The following CAMK4 variants were observed in gnomAD, a reference collection of about 807,000 sequenced individuals.
CAMK4 encodes calcium/calmodulin-dependent protein kinase type IV.
CAMK4 carries 22 observed loss-of-function variants against 44.9 expected under a neutral mutation model. The observed-to-expected ratio is 0.49, with a 90% CI of 0.35 to 0.70. CAMK4 has a LOEUF of 0.70. CAMK4 is among the 30% of genes least tolerant of loss of function. The probability of loss-of-function intolerance (pLI) is 0.01; values close to 1 mark genes in which losing one functional copy is unlikely to be tolerated. For missense variants in CAMK4, 498 were observed against 586.8 expected (o/e 0.85, Z 1.56); for synonymous variants, 218 against 215.4 (o/e 1.01, Z -0.11).
intron 5 of CAMK4, among the ~76,000 whole-genome samples, chr5:111,440,707 G>A (rs1753793314): frequency 6.6e-6 from 1 of 151,102 alleles, no homozygotes; most frequent in Non-Finnish European, 1.5e-5. Flanking sequence ...TCCAAACTCA[G>A]CTATTTACTG....
intron 7 of CAMK4, among the ~76,000 whole-genome samples, chr5:111,461,303 G>A (rs1056294804): frequency 3.3e-5 from 5 of 152,162 alleles, no homozygotes; most frequent in African/African-American, 1.2e-4. Context: ...AGCTGACAAG[G>A]CAGCTTCTAG....
chr5:111,352,610 T>A (rs527392693), intron 2 of CAMK4, among the ~76,000 whole-genome samples: 3 of 143,696 alleles, frequency 2.1e-5, no homozygotes, highest in East Asian at 4.4e-4. Context: ...GAGGGGCTTC[T>A]TCCTGTGTCA....
chr5:111,225,660 C>A (rs900567817), intron 1 of CAMK4, among the ~76,000 whole-genome samples: 1 of 152,042 alleles, frequency 6.6e-6, no homozygotes, highest in Admixed American at 6.5e-5. Context: ...TGCTAACAGC[C>A]TTTTTATTTT....
intron 5 of CAMK4, among the ~76,000 whole-genome samples, chr5:111,430,804 G>GA (rs942234678): frequency 6.6e-6 from 1 of 151,986 alleles, no homozygotes; most frequent in African/African-American, 2.4e-5. Flanking sequence ...AATTGAAGAA[G>GA]ACACCAAGAA....
chr5:111,433,927 A>G (rs75664336), intron 5 of CAMK4, among the ~76,000 whole-genome samples: 2,798 of 152,314 alleles, frequency 0.018, 44 homozygotes, highest in Non-Finnish European at 0.028. Context: ...TTTTAAATCA[A>G]TGATTGACAT....
At chr5:111,420,131 T>G (rs1354537453) in intron 5 of CAMK4, among the ~76,000 whole-genome samples, 1 of 149,936 alleles carries the variant, frequency 6.7e-6, no homozygotes, top group Non-Finnish European at 1.5e-5. Flanking sequence ...ATCAGTGGTT[T>G]GTAGTTCTCC....
At chr5:111,264,145 G>T (rs530859755) in intron 1 of CAMK4, among the ~76,000 whole-genome samples, 47 of 152,290 alleles carry the variant, frequency 3.1e-4, no homozygotes, top group African/African-American at 1.1e-3. Flanking sequence ...GACTTGGTTT[G>T]GTGGGAGTTG....
rs114025786 is a variant in CAMK4 at position 111,340,741 on chromosome 5, C to T, written c.162-3283C>T. On this transcript the variant is annotated intron_variant, in intron 1 of 10. Coordinates refer to ENST00000282356, the MANE Select transcript of CAMK4 (RefSeq NM_001744.6). ...AAAATTCGTTTGATAGTATTCCCTC[C>T]TCTTCAGTTTTTGAAAGAGTTTGAG... 4.5e-3 allele frequency among the ~76,000 whole-genome samples: 684 copies of T among 151,054 alleles called. 7 individuals carry two copies. Among genetic ancestry groups the T allele is most frequent in the African/African-American group, 0.016 (656 of 41,336 alleles).
chr5:111,340,876 A>G (rs980424409), intron 1 of CAMK4, among the ~76,000 whole-genome samples: 6 of 150,562 alleles, frequency 4.0e-5, no homozygotes, highest in African/African-American at 1.5e-4. Context: ...AACTATTACA[A>G]TTTCAATCTT....
chr5:111,426,692 G>C (rs965456404), intron 5 of CAMK4, among the ~76,000 whole-genome samples: 27 of 152,172 alleles, frequency 1.8e-4, no homozygotes, highest in African/African-American at 6.3e-4. Context: ...TCTGGGTGCT[G>C]GGGGAGGGAG....
intron 7 of CAMK4, among the ~76,000 whole-genome samples, chr5:111,452,964 TG>T (rs935898405): frequency 2.0e-5 from 3 of 151,650 alleles, no homozygotes; most frequent in Non-Finnish European, 2.9e-5. Context: ...AAAATAAAAG[TG>T]TTTTTTTGGC....
chr5:111,410,921 C>G (rs377576949), intron 5 of CAMK4, among the ~76,000 whole-genome samples: 3 of 152,180 alleles, frequency 2.0e-5, no homozygotes, highest in Admixed American at 1.3e-4. Context: ...TTGGTAGAAT[C>G]ATGTAAAATG....
At chr5:111,225,984 C>T (rs1051189291) in intron 1 of CAMK4, among the ~76,000 whole-genome samples, 1 of 152,094 alleles carries the variant, frequency 6.6e-6, no homozygotes, top group Admixed American at 6.5e-5. Flanking sequence ...TTTGTAAGGT[C>T]CAAAACATGC....
intron 7 of CAMK4, among the ~76,000 whole-genome samples, chr5:111,463,238 C>A (rs1430411211): frequency 6.6e-6 from 1 of 152,006 alleles, no homozygotes; most frequent in Non-Finnish European, 1.5e-5. Context: ...GATGATGATT[C>A]TAAGTCTTTT....
At chr5:111,427,967 GCA>G (rs965281413) in intron 5 of CAMK4, among the ~76,000 whole-genome samples, 2 of 152,252 alleles carry the variant, frequency 1.3e-5, no homozygotes, top group African/African-American at 2.4e-5. Context: ...GTCTGGCCCA[GCA>G]CAGTCATACC....
chr5:111,260,239 A>G (rs1033322587), intron 1 of CAMK4, among the ~76,000 whole-genome samples: 2 of 152,010 alleles, frequency 1.3e-5, no homozygotes, highest in East Asian at 3.9e-4. Flanking sequence ...TAACAGTAAG[A>G]TCTCCTTACT....
chr5:111,364,600 G>C (rs1256381037), intron 2 of CAMK4, among the ~76,000 whole-genome samples: 1 of 152,032 alleles, frequency 6.6e-6, no homozygotes, highest in Non-Finnish European at 1.5e-5. Flanking sequence ...TCTTACAAAG[G>C]CTTCAAGTTC....
chr5:111,408,116 AAG>A lies in CAMK4; in HGVS notation c.459+13356_459+13357del, dbSNP rs57215459. Among the ~76,000 whole-genome samples, 405 of 148,836 alleles carry A rather than the reference AAG, an allele frequency of 2.7e-3. 5 individuals are homozygous for A. In the East Asian group the frequency reaches 0.056, roughly 21 times the overall value. On this transcript the variant is annotated intron_variant, in intron 5 of 10. Coordinates refer to ENST00000282356, the MANE Select transcript of CAMK4 (RefSeq NM_001744.6). ...AAAGTGAGACTCCATCAAAGAAAGA[AAG>A]AGAGAGAGAGAGAGAGAGAGAAAGA...
chr5:111,475,554 A>T (rs908155603), intron 8 of CAMK4, among the ~76,000 whole-genome samples: 2 of 152,234 alleles, frequency 1.3e-5, no homozygotes, highest in Admixed American at 6.5e-5. Context: ...TTACCAAATT[A>T]TGCAAACTAT....
Sources: allele counts gnomAD v4.1 joint callset (sites outside exome capture counted in the v4.1 genomes callset), GRCh38; gene constraint gnomAD v4.1.1; transcripts MANE v1.5; gene names NCBI Gene and HGNC (gene_info 2026-07-23, HGNC 2026-07-21).